ABHD18: variants seen among roughly 807,000 people sequenced by gnomAD.
ABHD18 encodes the protein cardiolipin-specific deacylase, mitochondrial.
Under a neutral mutation model 65.9 loss-of-function variants are expected in ABHD18, and 55 were observed. The observed-to-expected ratio is 0.84, with a 90% CI of 0.67 to 1.05. The LOEUF (loss-of-function observed/expected upper bound fraction) is 1.05. ABHD18 is among the 50% of genes least tolerant of loss of function. The pLI, the probability that ABHD18 is intolerant of heterozygous loss-of-function variation, is 0.00. For synonymous variants in ABHD18, 181 were observed against 180.2 expected, an observed-to-expected ratio of 1.00 and a Z score of -0.04; for missense variants, 533 against 558.5, an observed-to-expected ratio of 0.95 and a Z score of 0.46.
At chr4:127,992,202 T>C (rs1751033087) in intron 4 of ABHD18, among the ~76,000 whole-genome samples, 1 of 152,270 alleles carries the variant, frequency 6.6e-6, no homozygotes, top group South Asian at 2.1e-4. Context: ...CCGGGCACGG[T>C]GTCTCACGCC....
chr4:128,012,020 C>A (rs1186492449), intron 7 of ABHD18, among the ~76,000 whole-genome samples: 2 of 151,810 alleles, frequency 1.3e-5, no homozygotes, highest in African/African-American at 4.8e-5. Context: ...TTCTGTCACC[C>A]AGTCTGGAGT....
In ABHD18 at chr4:128,039,144, CATATATATATATATATATATATATAT is replaced by C. The variant is rs61578534; in HGVS notation, c.*3347_*3372del. The C allele has an allele frequency of 2.1e-4, 21 of 99,762 alleles. 1 individual carries two copies. Among genetic ancestry groups the C allele is most frequent in the South Asian group, 3.3e-4 (1 of 3,062 alleles). 6.2% of individuals were successfully genotyped at this position (99,762 alleles called of 1,614,324 possible). On this transcript the variant is annotated 3_prime_UTR_variant, in exon 13 of 13. Coordinates refer to ENST00000645843, the MANE Select transcript of ABHD18 (RefSeq NM_001358451.3). ...TATGTATTATATATACACACATATG[CATATATATATATATATATATATATAT>C]ATATATATATATATAATCTCAAAGA...
intron 1 of ABHD18, among the ~76,000 whole-genome samples, chr4:127,980,489 A>G (rs1748824806): frequency 6.6e-6 from 1 of 152,166 alleles, no homozygotes; most frequent in Non-Finnish European, 1.5e-5. Context: ...GTAGAATCCA[A>G]ACTGTTAGCA....
intron 1 of ABHD18, among the ~76,000 whole-genome samples, chr4:127,974,048 G>C (rs902941074): frequency 6.6e-6 from 1 of 151,888 alleles, no homozygotes; most frequent in Non-Finnish European, 1.5e-5. Context: ...AAGGAAAAGG[G>C]AAGAAGATGG....
intron 6 of ABHD18, 30 bp from the exon 7 acceptor site, chr4:128,011,643 T>C: frequency 6.6e-7 from 1 of 1,525,812 alleles, no homozygotes. Context: ...TTAATTATTT[T>C]AAAACTTTCT....
intron 3 of ABHD18, among the ~76,000 whole-genome samples, 175 bp from the exon 4 acceptor site, chr4:127,989,546 C>G (rs933498388): frequency 1.3e-5 from 2 of 151,952 alleles, no homozygotes; most frequent in Admixed American, 1.3e-4. Context: ...ATAATACATT[C>G]AATGATTATG....
At position 128,036,060 on chromosome 4, in the gene ABHD18, G is replaced by A. The variant is rs1451583470; in HGVS notation, c.*247G>A. Reference sequence around the variant, plus strand: ...TGTTTATTGGAATCCCATATATTCAGTGTTTAGTCTGTTGTTACTGTTTAT... The same window carrying A: ...TGTTTATTGGAATCCCATATATTCAATGTTTAGTCTGTTGTTACTGTTTAT... On this transcript the variant is annotated 3_prime_UTR_variant, in exon 13 of 13. Transcript: ENST00000645843. The A allele has an allele frequency of 3.1e-6, 1 of 325,878 alleles. No individual in the cohort carries two copies. Among genetic ancestry groups the A allele is most frequent in the African/African-American group, 2.1e-5 (1 of 47,002 alleles). The allele number at this position is 325,878 out of a possible 1,614,324, so 20.2% of individuals were successfully genotyped here.
intron 4 of ABHD18, among the ~76,000 whole-genome samples, chr4:127,998,321 C>T (rs1403645565): frequency 4.9e-5 from 6 of 123,688 alleles, no homozygotes; most frequent in Non-Finnish European, 9.6e-5. Context: ...CTTGCTCTGT[C>T]GCCGAGGCTG....
In ABHD18 at chr4:128,038,318, A is replaced by G. The variant is rs1267300425; in HGVS notation, c.*2505A>G. On this transcript the variant is annotated 3_prime_UTR_variant, in exon 13 of 13. Coordinates refer to ENST00000645843, the MANE Select transcript of ABHD18 (RefSeq NM_001358451.3). ...TCTTCCACAAAATACTTTTTAAAATAAAACTTGTCAACTGAATTACGATTT... is the reference window on the plus strand; with the variant it reads ...TCTTCCACAAAATACTTTTTAAAATGAAACTTGTCAACTGAATTACGATTT... The G allele has an allele frequency of 1.3e-5, 2 of 152,218 alleles. No homozygotes were observed. The highest frequency in any genetic ancestry group is 2.9e-5 in the Non-Finnish European group (2 of 68,036). The allele number at this position is 152,218 out of a possible 1,614,324, so 9.4% of individuals were successfully genotyped here.
At chr4:128,007,113 C>G (rs1463316242) in intron 4 of ABHD18, among the ~76,000 whole-genome samples, 1 of 151,828 alleles carries the variant, frequency 6.6e-6, no homozygotes, top group Non-Finnish European at 1.5e-5. Flanking sequence ...CCATTGCACT[C>G]CAGCCTGGGC....
chr4:127,995,805 C>T (rs1321789188), intron 4 of ABHD18, among the ~76,000 whole-genome samples: 2 of 152,114 alleles, frequency 1.3e-5, no homozygotes, highest in East Asian at 3.8e-4. Context: ...TTCTTACTGT[C>T]TTTAAATGGC....
At chr4:127,971,969 C>A (rs750845518) in intron 1 of ABHD18, among the ~76,000 whole-genome samples, 6 of 152,066 alleles carry the variant, frequency 3.9e-5, no homozygotes, top group Non-Finnish European at 7.4e-5. Context: ...CAGGGGTCTC[C>A]AGGCCTCTCA....
chr4:127,996,113 CT>C (rs2149099604), intron 4 of ABHD18, among the ~76,000 whole-genome samples: 1 of 152,278 alleles, frequency 6.6e-6, no homozygotes, highest in Non-Finnish European at 1.5e-5. Flanking sequence ...GAGTAGACAG[CT>C]ACATATTCAT....
chr4:127,987,508 G>A (rs920590374), intron 3 of ABHD18, among the ~76,000 whole-genome samples: 6 of 151,906 alleles, frequency 3.9e-5, no homozygotes, highest in Admixed American at 3.9e-4. Flanking sequence ...TCAGAAGTTC[G>A]AGACCAGCCT....
intron 3 of ABHD18, among the ~76,000 whole-genome samples, chr4:127,987,080 C>T (rs1393226643): frequency 6.6e-6 from 1 of 152,078 alleles, no homozygotes; most frequent in Non-Finnish European, 1.5e-5. Flanking sequence ...GGGCTGGGTG[C>T]CGTGCCTCAC....
chr4:127,995,334 G>A (rs1459162753), intron 4 of ABHD18, among the ~76,000 whole-genome samples: 2 of 152,148 alleles, frequency 1.3e-5, no homozygotes, highest in East Asian at 3.9e-4. Context: ...ATTACTTCAG[G>A]CATTACTTTT....
chr4:128,013,533 T>C (rs1754937914), intron 7 of ABHD18, among the ~76,000 whole-genome samples: 1 of 151,978 alleles, frequency 6.6e-6, no homozygotes, highest in South Asian at 2.1e-4. Flanking sequence ...ACCCCATCTC[T>C]ACTAAAGATA....
At chr4:128,031,844 T>A (rs1365767794) in intron 12 of ABHD18, among the ~76,000 whole-genome samples, 2 of 152,218 alleles carry the variant, frequency 1.3e-5, no homozygotes, top group Non-Finnish European at 2.9e-5. Flanking sequence ...CATGCAGCAT[T>A]TGAGTCCCTA....
intron 4 of ABHD18, among the ~76,000 whole-genome samples, chr4:127,996,581 A>G (rs1173458972): frequency 2.0e-5 from 3 of 152,198 alleles, no homozygotes; most frequent in Non-Finnish European, 4.4e-5. Context: ...CTTGATAAAC[A>G]TCTTAACAGG....
Sources: gnomAD v4.1 joint callset for allele counts (sites outside exome capture counted in the v4.1 genomes callset) on GRCh38, gnomAD v4.1.1 for gene constraint, MANE v1.5 for transcripts, NCBI Gene and HGNC (gene_info 2026-07-23, HGNC 2026-07-21) for gene names.